ACAP3: variants seen among roughly 807,000 people sequenced by gnomAD.
ACAP3 encodes ArfGAP with coiled-coil, ankyrin repeat and PH domains 3, also known as arf-GAP with coiled-coil, ANK repeat and PH domain-containing protein 3.
A neutral mutation model predicts 104.1 loss-of-function variants in ACAP3; 56 were observed. The observed-to-expected ratio is 0.54, with a 90% CI of 0.43 to 0.67. The LOEUF (loss-of-function observed/expected upper bound fraction) is 0.67, where lower values mean the gene tolerates loss of function less well. Ranked by LOEUF, ACAP3 falls within the 30% of genes least tolerant of loss-of-function variation. The probability of loss-of-function intolerance (pLI) is 0.00; values close to 1 mark genes in which losing one functional copy is unlikely to be tolerated. For synonymous variants in ACAP3, 628 were observed against 496.2 expected (o/e 1.27, Z -3.53); for missense variants, 1,208 against 1,174.9 (o/e 1.03, Z -0.41).
chr1:1,307,104 T>G (rs1482834303), intron 1 of ACAP3: 9 of 1,116,986 alleles, frequency 8.1e-6, no homozygotes, highest in Non-Finnish European at 1.1e-5. Context: ...TTGCCTCCAT[T>G]GTCGTTTGCC....
rs1002705039 is a variant in ACAP3 at position 1,303,731 on chromosome 1, T to G, written c.105+355A>C. 1 of 426,468 alleles carries G rather than the reference T, an allele frequency of 2.3e-6. No individual in the cohort carries two copies. Among genetic ancestry groups the G allele is most frequent in the Non-Finnish European group, 4.3e-6 (1 of 233,638 alleles). 26.4% of individuals were successfully genotyped at this position (426,468 alleles called of 1,614,324 possible). A position where few individuals can be genotyped will look rare whatever the true frequency, so the allele number is the denominator to read the frequency against. Reference sequence around the variant, plus strand: ...ACACGGCTCCCCCCTCCACGGCCTGTTGCCCCCTCCCCTTTCTCAGCCCCA... The same window carrying G: ...ACACGGCTCCCCCCTCCACGGCCTGGTGCCCCCTCCCCTTTCTCAGCCCCA... On this transcript the variant is annotated intron_variant, in intron 2 of 23. Transcript: ENST00000354700. The surrounding 1 kb of genome is among the most constrained non-coding windows in gnomAD (Gnocchi z 4.0).
chr1:1,300,329 C>T (rs1641389994), intron 6 of ACAP3, 127 bp from the exon 7 acceptor site: 1 of 1,310,092 alleles, frequency 7.6e-7, no homozygotes, highest in South Asian at 1.5e-5. Context: ...CAGCTCCCAG[C>T]TCTGGGCCAG....
intron 10 of ACAP3, 57 bp from the exon 11 acceptor site, chr1:1,298,736 G>A (rs1030802175): frequency 2.1e-5 from 29 of 1,374,308 alleles, no homozygotes; most frequent in African/African-American, 2.9e-5. Context: ...GCTACCCTCC[G>A]TGCTTTCCCG....
At chr1:1,305,082 GT>G (rs997614980) in intron 1 of ACAP3, 1 of 152,338 alleles carries the variant, frequency 6.6e-6, no homozygotes, top group Non-Finnish European at 1.5e-5. Flanking sequence ...CCTGACCGGT[GT>G]CCCAGGCCTC....
At chr1:1,298,246 G>T in intron 12 of ACAP3, 124 bp downstream of exon 12, 1 of 1,580,728 alleles carries the variant, frequency 6.3e-7, no homozygotes, top group Non-Finnish European at 8.6e-7. Context: ...TCTGCTCCCT[G>T]ACTGTTCCGG....
At position 1,303,987 on chromosome 1, in the gene ACAP3, G is replaced by A. The variant is rs962916642; in HGVS notation, c.105+99C>T. 2.2e-6 allele frequency: 3 copies of A among 1,393,540 alleles called. No homozygotes were observed. The highest frequency in any genetic ancestry group is 4.0e-5 in the Admixed American group (2 of 49,842). The allele number at this position is 1,393,540 out of a possible 1,614,324, so 86.3% of individuals were successfully genotyped here. A position where few individuals can be genotyped will look rare whatever the true frequency, so the allele number is the denominator to read the frequency against. On this transcript the variant is annotated intron_variant, in intron 2 of 23. Coordinates refer to ENST00000354700, the MANE Select transcript of ACAP3 (RefSeq NM_030649.3). This position sits in a 1 kb window ranked among gnomAD's most constrained non-coding sequence, Gnocchi z 4.0. ...AGCACCACACGCATGCTCCACATAT[G>A]GGGGGTGTAAGTGGCTTAGTAAGGC...
intron 14 of ACAP3, 31 bp from the exon 15 acceptor site, chr1:1,296,664 G>A (rs933633100): frequency 1.1e-5 from 17 of 1,518,874 alleles, no homozygotes; most frequent in Admixed American, 5.9e-5. Flanking sequence ...GCTCGGTCCC[G>A]CAGGGGCTCC....
intron 11 of ACAP3, 54 bp downstream of exon 11, chr1:1,298,513 G>GAGGACCCCACCCCCGCCTA: frequency 9.4e-7 from 1 of 1,060,266 alleles, no homozygotes; most frequent in Non-Finnish European, 1.2e-6. Flanking sequence ...ACCCCCGCCT[G>GAGGACCCCACCCCCGCCTA]AGGACCCCAC....
chr1:1,301,913 G>A, intron 5 of ACAP3, 75 bp downstream of exon 5: 1 of 1,407,984 alleles, frequency 7.1e-7, no homozygotes, highest in Non-Finnish European at 9.5e-7. Flanking sequence ...CCTCTGCTCT[G>A]CCCCAGACCC....
rs1489178290 is a variant in ACAP3, at chr1:1,293,401, C to T, written c.*163G>A. 9.2e-6 allele frequency: 6 copies of T among 651,866 alleles called. No homozygotes were observed. Among genetic ancestry groups the T allele is most frequent in the Non-Finnish European group, 1.3e-5 (6 of 466,614 alleles). 40.4% of individuals were successfully genotyped at this position (651,866 alleles called of 1,614,324 possible). ...TTCAAGAGACTCAGTGTGGGGCCCT[C>T]GCTCTCCTCCTGGGCGAGCAGGGCC... On this transcript the variant is annotated 3_prime_UTR_variant, in exon 24 of 24. Transcript: ENST00000354700.
Position 1,303,076 on chromosome 1 carries a change from T to C in ACAP3, c.225+86A>G. 6.4e-7 allele frequency: 1 copy of C among 1,552,570 alleles called. No individual in the cohort carries two copies. The highest frequency in any genetic ancestry group is 1.9e-5 in the Admixed American group (1 of 51,894). On this transcript the variant is annotated intron_variant, in intron 3 of 23. Transcript: ENST00000354700. The surrounding 1 kb of genome is among the most constrained non-coding windows in gnomAD (Gnocchi z 4.0). ...CTGGGCGGTGCAGACACCGGCCTGC[T>C]TCTGGCCTGGACGCCCTCAAGGGGC...
At chr1:1,307,476 C>A in intron 1 of ACAP3, 6 of 1,285,472 alleles carry the variant, frequency 4.7e-6, no homozygotes, top group Non-Finnish European at 6.1e-6. Flanking sequence ...CCGGGAGGGG[C>A]TCAGCCCAGT....
rs1641531985 is a variant in ACAP3 at position 1,303,273 on chromosome 1, C to T, written c.114G>A (p.Lys38=). The T allele has an allele frequency of 6.3e-7, 1 of 1,587,400 alleles. No homozygotes were observed. Among genetic ancestry groups the T allele is most frequent in the Non-Finnish European group, 8.6e-7 (1 of 1,168,146 alleles). The stretch of plus-strand genomic sequence containing the variant: ...CGGCTTCCACCATGCCACTGCACAG[C>T]TTCACCAGCTGTGGGCCAGCGGGGC... ...EIEAKLDKLV[K]LCSGMVEAGK... Residue 38 remains lysine, a synonymous_variant, in exon 3 of 24, where the codon AAG becomes AAA. Coordinates refer to ENST00000354700, the MANE Select transcript of ACAP3 (RefSeq NM_030649.3). The surrounding 1 kb of genome is among the most constrained non-coding windows in gnomAD (Gnocchi z 4.0).
chr1:1,297,802 AG>A lies in ACAP3; in HGVS notation c.1128+19del, dbSNP rs1641256116. The A allele has an allele frequency of 6.2e-7, 1 of 1,605,398 alleles. No homozygotes were observed. Among genetic ancestry groups the A allele is most frequent in the Non-Finnish European group, 8.5e-7 (1 of 1,174,884 alleles). ...ACGTGTGTGTGCACGGGCTTGGGGC[AG>A]GGGCACCAAGGGCCACACCTCGCTA... is the stretch of plus-strand genomic sequence containing the variant. On this transcript the variant is annotated intron_variant, in intron 14 of 23. Coordinates refer to ENST00000354700, the MANE Select transcript of ACAP3 (RefSeq NM_030649.3).
At chr1:1,298,876 G>A (rs892271229) in intron 10 of ACAP3, 197 bp from the exon 11 acceptor site, 54 of 591,752 alleles carry the variant, frequency 9.1e-5, no homozygotes, top group African/African-American at 7.3e-4. Context: ...CCTGCAACCC[G>A]TGGGGCAGAC....
rs1187033614 is a variant in ACAP3 at position 1,303,221 on chromosome 1, G to T, written c.166C>A (p.Leu56Ile). 1 of 1,607,298 alleles carries T rather than the reference G, an allele frequency of 6.2e-7. No individual in the cohort carries two copies. The highest frequency in any genetic ancestry group is 1.3e-5 in the African/African-American group (1 of 74,978). Residue 56 changes from leucine (L) to isoleucine (I), a missense_variant, in exon 3 of 24, where the codon CTT becomes ATT. Physicochemically the swap from Leu to Ile is conservative, Grantham distance 5. Transcript: ENST00000354700. The surrounding 1 kb of genome is among the most constrained non-coding windows in gnomAD (Gnocchi z 4.0). ...AGKAYVSTSR[L>I]FVSGVRDLSQ... ...AGGTCGCGGACGCCGCTCACGAAAAGCCTGCTGGTGCTGACGTAGGCCTTA... is the reference window on the plus strand; with the variant it reads ...AGGTCGCGGACGCCGCTCACGAAAATCCTGCTGGTGCTGACGTAGGCCTTA...
chr1:1,298,247 A>T, intron 12 of ACAP3, 123 bp downstream of exon 12: 1 of 1,580,922 alleles, frequency 6.3e-7, no homozygotes, highest in South Asian at 1.1e-5. Context: ...CTGCTCCCTG[A>T]CTGTTCCGGC....
intron 5 of ACAP3, among the ~76,000 whole-genome samples, chr1:1,301,030 G>C (rs534985576): frequency 1.3e-5 from 2 of 152,080 alleles, no homozygotes; most frequent in Non-Finnish European, 2.9e-5. Flanking sequence ...GTCTCCCAAC[G>C]TGCTGGGATT....
rs769274460 is a variant in ACAP3 at position 1,303,236 on chromosome 1, C to T, written c.151G>A (p.Val51Ile). ...SGMVEAGKAY[V>I]STSRLFVSGV... Reference sequence around the variant, plus strand: ...CTCACGAAAAGCCTGCTGGTGCTGACGTAGGCCTTACCGGCTTCCACCATG... The same window carrying T: ...CTCACGAAAAGCCTGCTGGTGCTGATGTAGGCCTTACCGGCTTCCACCATG... The change falls in exon 3 of 24, where the codon GTC becomes ATC. Residue 51 changes from valine to isoleucine, a missense_variant. Val to Ile is a conservative substitution (Grantham distance 29, BLOSUM62 3). Coordinates refer to ENST00000354700, the MANE Select transcript of ACAP3 (RefSeq NM_030649.3). This position sits in a 1 kb window ranked among gnomAD's most constrained non-coding sequence, Gnocchi z 4.0. The T allele has an allele frequency of 7.5e-6, 12 of 1,605,378 alleles. No individual in the cohort carries two copies. The highest frequency in any genetic ancestry group is 3.4e-5 in the Admixed American group (2 of 59,126).
Sources: gnomAD v4.1 joint callset for allele counts (sites outside exome capture counted in the v4.1 genomes callset) on GRCh38, gnomAD v4.1.1 for gene constraint, Gnocchi (gnomAD v3.1) non-coding constraint, MANE v1.5 for transcripts, NCBI Gene and HGNC (gene_info 2026-07-23, HGNC 2026-07-21) for gene names.